Variants in NHSL1 observed in about 807,000 individuals in gnomAD.
NHSL1 encodes NHS like 1, also known as NHS-like protein 1.
In NHSL1, 48 loss-of-function variants were observed where a neutral mutation model predicts 95.0. That is an observed-to-expected ratio of 0.51 (90% CI 0.40 to 0.64). The LOEUF (loss-of-function observed/expected upper bound fraction) is 0.64. NHSL1 is among the 30% of genes least tolerant of loss of function. NHSL1 has a pLI of 0.00. For synonymous variants in NHSL1, 783 were observed against 833.9 expected (o/e 0.94, Z 1.05); for missense variants, 1,971 against 2,077.7 (o/e 0.95, Z 1.00).
At chr6:138,563,453 C>T (rs1783487768) in intron 1 of NHSL1, among the ~76,000 whole-genome samples, 1 of 152,094 alleles carries the variant, frequency 6.6e-6, no homozygotes, top group South Asian at 2.1e-4. Flanking sequence ...AAGACACTTC[C>T]ACAACTGGAA....
chr6:138,671,770 C>G (rs73568765), intron 1 of NHSL1, among the ~76,000 whole-genome samples: 1 of 152,166 alleles, frequency 6.6e-6, no homozygotes, highest in African/African-American at 2.4e-5. Flanking sequence ...CCCAAAAAGC[C>G]GTTATTTATG....
intron 1 of NHSL1, among the ~76,000 whole-genome samples, chr6:138,589,321 G>A (rs575130135): frequency 5.3e-5 from 8 of 152,196 alleles, no homozygotes; most frequent in African/African-American, 9.6e-5. Flanking sequence ...TAAATGATGC[G>A]GGGTGCTTAT....
intron 1 of NHSL1, among the ~76,000 whole-genome samples, chr6:138,593,834 G>A (rs1323544971): frequency 1.3e-5 from 2 of 152,190 alleles, no homozygotes; most frequent in Non-Finnish European, 2.9e-5. Context: ...TGTTAATTCA[G>A]TCCAACTTCA....
chr6:138,685,985 CAT>C (rs1785579961), intron 1 of NHSL1, among the ~76,000 whole-genome samples: 1 of 152,008 alleles, frequency 6.6e-6, no homozygotes, highest in Non-Finnish European at 1.5e-5. Context: ...AAATGAAACT[CAT>C]AGAAGCAGAG....
At chr6:138,606,894 G>A (rs562214131) in intron 1 of NHSL1, among the ~76,000 whole-genome samples, 129 of 151,644 alleles carry the variant, frequency 8.5e-4, no homozygotes, top group African/African-American at 3.0e-3. Flanking sequence ...TAGTAGAGAC[G>A]GGGTTTCACC....
intron 3 of NHSL1, among the ~76,000 whole-genome samples, chr6:138,469,968 G>A (rs528398403): frequency 3.3e-5 from 5 of 152,022 alleles, no homozygotes; most frequent in African/African-American, 9.6e-5. Flanking sequence ...AGAAGGGAGT[G>A]GGGGAGGCAG....
At chr6:138,647,402 C>T (rs1253301010) in intron 1 of NHSL1, among the ~76,000 whole-genome samples, 1 of 152,100 alleles carries the variant, frequency 6.6e-6, no homozygotes, top group Non-Finnish European at 1.5e-5. Flanking sequence ...GTTTTGTGTA[C>T]TTTGAGGAAT....
intron 1 of NHSL1, among the ~76,000 whole-genome samples, chr6:138,591,310 C>G (rs1365492422): frequency 6.6e-6 from 1 of 152,206 alleles, no homozygotes; most frequent in Non-Finnish European, 1.5e-5. Context: ...TCCCCTTTAT[C>G]TGTAGTTTTG....
chr6:138,485,985 T>C (rs553911613), intron 2 of NHSL1, among the ~76,000 whole-genome samples: 1 of 152,188 alleles, frequency 6.6e-6, no homozygotes, highest in African/African-American at 2.4e-5. Flanking sequence ...CCACACCATG[T>C]AATGAACAGC....
chr6:138,429,833 C>T lies in NHSL1; in HGVS notation c.3963G>A (p.Pro1321=), dbSNP rs1054539997. 1.7e-5 allele frequency: 27 copies of T among 1,550,920 alleles called. No homozygotes were observed. The highest frequency in any genetic ancestry group is 4.8e-5 in the South Asian group (4 of 83,948). The change falls in exon 7 of 8, where the codon CCG becomes CCA. Residue 1321 remains proline, a synonymous_variant. Transcript: ENST00000343505. ...LSQQDGAAGV[P]ETNAAGSSSE... The stretch of plus-strand genomic sequence containing the variant: ...AGGATGAACCGGCTGCGTTGGTCTC[C>T]GGCACCCCAGCTACAGAAGAGCAGG...
upstream of NHSL1, among the ~76,000 whole-genome samples, chr6:138,549,805 T>C (rs1178952192): frequency 3.9e-5 from 6 of 152,208 alleles, no homozygotes; most frequent in Admixed American, 2.0e-4. Flanking sequence ...ATAGCACTTC[T>C]AAACAGCACA....
At chr6:138,549,417 G>A (rs1782921781), upstream of NHSL1, among the ~76,000 whole-genome samples, 2 of 152,134 alleles carry the variant, frequency 1.3e-5, no homozygotes, top group East Asian at 1.9e-4. Flanking sequence ...AGGATACAGA[G>A]ACACAGTGAA....
chr6:138,530,956 T>C (rs181782430), intron 1 of NHSL1, among the ~76,000 whole-genome samples: 4 of 152,214 alleles, frequency 2.6e-5, no homozygotes, highest in African/African-American at 7.2e-5. Flanking sequence ...TTTTTGACTA[T>C]TGAAATAAAA....
At chr6:138,589,596 C>T (rs2114518932) in intron 1 of NHSL1, among the ~76,000 whole-genome samples, 1 of 152,332 alleles carries the variant, frequency 6.6e-6, no homozygotes, top group East Asian at 1.9e-4. Context: ...GTCTCTCTAC[C>T]TGTACCCTCC....
upstream of NHSL1, among the ~76,000 whole-genome samples, chr6:138,574,183 G>T (rs1165614602): frequency 6.6e-6 from 1 of 152,102 alleles, no homozygotes; most frequent in African/African-American, 2.4e-5. Flanking sequence ...CGCCTGCCTT[G>T]GCCTCCCAAG....
rs148159808 is a variant in NHSL1, at chr6:138,464,385, A to G, written c.339+8921T>C. Reference sequence around the variant, plus strand: ...GTCGCCATCGCTGCCTTCGCCAGGCACTTCTGAAGACAGGTCAGGGCAGGA... The same window carrying G: ...GTCGCCATCGCTGCCTTCGCCAGGCGCTTCTGAAGACAGGTCAGGGCAGGA... On this transcript the variant is annotated intron_variant, in intron 3 of 7. Coordinates refer to ENST00000343505, the MANE Select transcript of NHSL1 (RefSeq NM_001144060.2). 880 of 443,422 alleles carry G rather than the reference A, an allele frequency of 2.0e-3. 9 individuals carry two copies. Among genetic ancestry groups the G allele is most frequent in the African/African-American group, 0.016 (809 of 49,302 alleles). 27.5% of individuals were successfully genotyped at this position (443,422 alleles called of 1,614,324 possible).
At chr6:138,514,924 C>T (rs1781396577) in intron 1 of NHSL1, among the ~76,000 whole-genome samples, 1 of 151,922 alleles carries the variant, frequency 6.6e-6, no homozygotes, top group African/African-American at 2.4e-5. Context: ...CCCTGTCTCA[C>T]ACAGCAACAA....
chr6:138,692,466 G>A lies in NHSL1; in HGVS notation c.96+10C>T, dbSNP rs1785693539. 1 of 205,002 alleles carries A rather than the reference G, an allele frequency of 4.9e-6. No homozygotes were observed. The highest frequency in any genetic ancestry group is 9.7e-6 in the Non-Finnish European group (1 of 103,416). The allele number at this position is 205,002 out of a possible 1,614,324, so 12.7% of individuals were successfully genotyped here. On this transcript the variant is annotated intron_variant, in intron 1 of 3. Transcript: ENST00000491526. This position sits in a 1 kb window ranked among gnomAD's most constrained non-coding sequence, Gnocchi z 4.0. ...GCCGGTTCCCCTCCCCCGGCCCGCC[G>A]GCCACTCACGGATTTTCACTCGGCG...
chr6:138,608,208 G>A (rs1400521976), intron 1 of NHSL1, among the ~76,000 whole-genome samples: 1 of 152,244 alleles, frequency 6.6e-6, no homozygotes, highest in Non-Finnish European at 1.5e-5. Context: ...GCACTAACAT[G>A]TCTGCCTGTC....
Sources: allele counts gnomAD v4.1 joint callset (sites outside exome capture counted in the v4.1 genomes callset), GRCh38; gene constraint gnomAD v4.1.1; non-coding constraint Gnocchi (gnomAD v3.1); transcripts MANE v1.5; gene names NCBI Gene and HGNC (gene_info 2026-07-23, HGNC 2026-07-21).